Variants in GLT8D2 observed in about 807,000 individuals in gnomAD.
The protein encoded by GLT8D2 is glycosyltransferase 8 domain-containing protein 2.
Under a neutral mutation model 44.5 loss-of-function variants are expected in GLT8D2, and 45 were observed. The observed-to-expected ratio is 1.01, with a 90% CI of 0.80 to 1.30. The LOEUF is 1.30. Among genes scored for constraint, GLT8D2 ranks in the 50% most tolerant of loss-of-function variants. The pLI, the probability that GLT8D2 is intolerant of heterozygous loss-of-function variation, is 0.00. For missense variants in GLT8D2, 400 were observed against 430.4 expected, an observed-to-expected ratio of 0.93 and a Z score of 0.62; for synonymous variants, 156 against 157.2, an observed-to-expected ratio of 0.99 and a Z score of 0.06.
rs1398195839 is a variant in GLT8D2, at chr12:104,021,903, GA to G, written c.-163-413del. On this transcript the variant is annotated intron_variant, in intron 1 of 10. Coordinates refer to ENST00000360814, the MANE Select transcript of GLT8D2 (RefSeq NM_001384711.1). ...AGAAGAAGAAGAAGAAGAAGAAGAA[GA>G]AGAAGAAGAAGAAGAAGAAGAAGAA... is the stretch of plus-strand genomic sequence containing the variant. Among the ~76,000 whole-genome samples the G allele has an allele frequency of 3.2e-4, 4 of 12,662 alleles. 1 individual carries two copies. Among genetic ancestry groups the G allele is most frequent in the Non-Finnish European group, 4.5e-4 (3 of 6,702 alleles). 8.3% of individuals were successfully genotyped at this position (12,662 alleles called of 152,430 possible).
chr12:104,001,900 C>T (rs1000256481), intron 5 of GLT8D2, among the ~76,000 whole-genome samples: 32 of 152,002 alleles, frequency 2.1e-4, no homozygotes, highest in Non-Finnish European at 5.9e-5. Context: ...GACGGGGTTT[C>T]GCCATATTGA....
chr12:103,997,184 T>C (rs1247361794), intron 7 of GLT8D2, among the ~76,000 whole-genome samples: 4 of 152,236 alleles, frequency 2.6e-5, no homozygotes, highest in South Asian at 2.1e-4. Context: ...TGACACTTTA[T>C]TTCCGTACAT....
intron 4 of GLT8D2, chr12:104,012,937 G>A (rs928900182): frequency 1.7e-6 from 1 of 603,422 alleles, no homozygotes; most frequent in Non-Finnish European, 2.9e-6. Context: ...TGCATGCCAA[G>A]GAGAGAGGCC....
At chr12:104,002,228 G>A (rs1254464302) in intron 5 of GLT8D2, among the ~76,000 whole-genome samples, 1 of 152,164 alleles carries the variant, frequency 6.6e-6, no homozygotes, top group Non-Finnish European at 1.5e-5. Flanking sequence ...CAAAGTGTTG[G>A]AAATATAGGA....
In GLT8D2 at chr12:104,013,100, T is replaced by C. The variant is rs559189015; in HGVS notation, c.112+1913A>G. Among the ~76,000 whole-genome samples, 8 of 152,338 alleles carry C rather than the reference T, an allele frequency of 5.3e-5. No homozygotes were observed. The South Asian group carries it at 1.7e-3, about 32-fold the overall frequency. On this transcript the variant is annotated intron_variant, in intron 4 of 10. Transcript: ENST00000360814. Reference sequence around the variant, plus strand: ...TACAGATTTTTAAAAATTTACCCATTGTAAGCGTACAGTACAATGATGTTT... The same window carrying C: ...TACAGATTTTTAAAAATTTACCCATCGTAAGCGTACAGTACAATGATGTTT...
intron 10 of GLT8D2, among the ~76,000 whole-genome samples, chr12:103,991,604 T>C (rs981530719): frequency 6.6e-6 from 1 of 152,160 alleles, no homozygotes; most frequent in East Asian, 1.9e-4. Context: ...AAATAGACCT[T>C]CTACTTTGAT....
intron 1 of GLT8D2, among the ~76,000 whole-genome samples, chr12:104,038,205 A>G (rs965192281): frequency 5.9e-5 from 9 of 152,306 alleles, no homozygotes; most frequent in East Asian, 1.9e-4. Flanking sequence ...ATGGGCAAAA[A>G]CTGAAAGCAT....
chr12:103,993,698 T>C (rs1363638638), intron 9 of GLT8D2, among the ~76,000 whole-genome samples, 194 bp from the exon 10 acceptor site: 1 of 152,256 alleles, frequency 6.6e-6, no homozygotes, highest in Non-Finnish European at 1.5e-5. Context: ...CATGAACTCC[T>C]ATATACATCA....
At chr12:104,061,702 C>T (rs996577037) in intron 1 of GLT8D2, among the ~76,000 whole-genome samples, 3 of 152,040 alleles carry the variant, frequency 2.0e-5, no homozygotes, top group East Asian at 1.9e-4. Flanking sequence ...GCTGGCCAGG[C>T]GCAGTGGTTC....
chr12:103,990,127 A>C (rs1872568895), intron 10 of GLT8D2, among the ~76,000 whole-genome samples: 3 of 67,772 alleles, frequency 4.4e-5, no homozygotes, highest in Non-Finnish European at 6.1e-5. Context: ...ATATATATAT[A>C]TATATATGTA....
At position 104,007,271 on chromosome 12, in the gene GLT8D2, C is replaced by CT. The variant is rs1566195250; in HGVS notation, c.113-3966_113-3965insA. Among the ~76,000 whole-genome samples, 268 of 60,636 alleles carry CT rather than the reference C, an allele frequency of 4.4e-3. 1 individual carries two copies. Among genetic ancestry groups the CT allele is most frequent in the African/African-American group, 0.011 (256 of 22,640 alleles). The allele number at this position is 60,636 out of a possible 152,430, so 39.8% of individuals were successfully genotyped here. ...CTCTCTCTCTCTCTCTCTCTCCCCCCGCTCTCTCCACCTGCTCTCTCCCCC... is the reference window on the plus strand; with the variant it reads ...CTCTCTCTCTCTCTCTCTCTCCCCCCTGCTCTCTCCACCTGCTCTCTCCCCC... On this transcript the variant is annotated intron_variant, in intron 4 of 10. Transcript: ENST00000360814.
At chr12:104,036,021 T>C (rs1324304778) in intron 1 of GLT8D2, among the ~76,000 whole-genome samples, 1 of 152,146 alleles carries the variant, frequency 6.6e-6, no homozygotes. Context: ...TATTCAACAT[T>C]CTTAAAGAAA....
intron 2 of GLT8D2, 45 bp from the exon 3 acceptor site, chr12:104,019,721 T>G: frequency 7.7e-7 from 1 of 1,300,012 alleles, no homozygotes; most frequent in Non-Finnish European, 1.1e-6. Context: ...AGAATCAACT[T>G]AAAACTCATC....
At chr12:104,010,224 A>T (rs1324531952) in intron 4 of GLT8D2, among the ~76,000 whole-genome samples, 1 of 152,034 alleles carries the variant, frequency 6.6e-6, no homozygotes, top group Non-Finnish European at 1.5e-5. Flanking sequence ...ACCCCTCATG[A>T]TCCAGCCCCT....
At position 104,032,466 on chromosome 12, in the gene GLT8D2, C is replaced by CAAAAAAAAAAAAAAAAAA. The variant is rs547392677; in HGVS notation, c.-163-10993_-163-10976dup. Among the ~76,000 whole-genome samples the CAAAAAAAAAAAAAAAAAA allele has an allele frequency of 6.7e-4, 40 of 59,660 alleles. 2 individuals carry two copies. The highest frequency in any genetic ancestry group is 1.2e-3 in the African/African-American group (18 of 14,998). 39.1% of individuals were successfully genotyped at this position (59,660 alleles called of 152,430 possible). On this transcript the variant is annotated intron_variant, in intron 1 of 10. Transcript: ENST00000360814. ...ATAATAAAGGAGTGATGTGCAATAG[C>CAAAAAAAAAAAAAAAAAA]AAAAAAAAAAAAAAAAAAAAAAAAA...
rs59019907 is a variant in GLT8D2 at position 104,044,327 on chromosome 12, G to T, written c.-164+5568C>A. ...CCAACAGACTGCCTCGTCATCACCG[G>T]TGTACTGGCTGCCATCCAAATGACA... On this transcript the variant is annotated intron_variant, in intron 1 of 10. Transcript: ENST00000360814. Among the ~76,000 whole-genome samples, 1,336 of 152,260 alleles carry T rather than the reference G, an allele frequency of 8.8e-3. 24 individuals carry two copies. Among genetic ancestry groups the T allele is most frequent in the African/African-American group, 0.03 (1,258 of 41,540 alleles).
chr12:104,019,677 C>T lies in GLT8D2; in HGVS notation c.-28-1G>A. On this transcript the variant is annotated splice_acceptor_variant, in intron 2 of 10. Transcript: ENST00000360814. LOFTEE classifies it low-confidence loss of function (5UTR_SPLICE). The stretch of plus-strand genomic sequence containing the variant: ...TATTCACGCGGATAAGAACTGTAAC[C>T]TGTGGATTAAAGGAAAAAAAATCTG... 6.2e-7 allele frequency: 1 copy of T among 1,601,472 alleles called. No homozygotes were observed. Among genetic ancestry groups the T allele is most frequent in the African/African-American group, 1.3e-5 (1 of 74,660 alleles).
At chr12:104,017,825 C>T (rs944982112) in intron 3 of GLT8D2, among the ~76,000 whole-genome samples, 1 of 152,148 alleles carries the variant, frequency 6.6e-6, no homozygotes, top group Non-Finnish European at 1.5e-5. Flanking sequence ...ATCTTAACCT[C>T]TCTGAGCTTG....
rs114203142 is a variant in GLT8D2 at position 104,033,858 on chromosome 12, C to T, written c.-163-12367G>A. Among the ~76,000 whole-genome samples the T allele has an allele frequency of 8.1e-3, 1,229 of 151,290 alleles. 22 individuals are homozygous for T. Among genetic ancestry groups the T allele is most frequent in the African/African-American group, 0.027 (1,127 of 41,146 alleles). On this transcript the variant is annotated intron_variant, in intron 1 of 10. Transcript: ENST00000360814. ...TTTTTTTTCAGAGACAGGATTGTCA[C>T]CCAGGCTGGAGTGTAGTAGTGCAAT...
Sources: gnomAD v4.1 joint callset for allele counts (sites outside exome capture counted in the v4.1 genomes callset) on GRCh38, gnomAD v4.1.1 for gene constraint, MANE v1.5 for transcripts, NCBI Gene and HGNC (gene_info 2026-07-23, HGNC 2026-07-21) for gene names.